Variants in NEBL observed in about 807,000 individuals in gnomAD.
NEBL encodes nebulette.
In NEBL, 122 loss-of-function variants were observed where a neutral mutation model predicts 140.2. The ratio of observed to expected loss-of-function variants is 0.87; its 90% CI spans 0.75 to 1.01. The LOEUF (loss-of-function observed/expected upper bound fraction) is 1.01, where lower values mean the gene tolerates loss of function less well. Ranked by LOEUF, NEBL falls within the 50% of genes least tolerant of loss-of-function variation. NEBL has a pLI of 0.00. For missense variants in NEBL, 1,365 were observed against 1,231.3 expected, an observed-to-expected ratio of 1.11 and a Z score of -1.62; for synonymous variants, 436 against 398.9, an observed-to-expected ratio of 1.09 and a Z score of -1.11.
In NEBL at chr10:20,868,754, C is replaced by T. The variant is rs1844594971; in HGVS notation, c.594G>A (p.Lys198=). 1 of 1,603,586 alleles carries T rather than the reference C, an allele frequency of 6.2e-7. No individual in the cohort carries two copies. Among genetic ancestry groups the T allele is most frequent in the Non-Finnish European group, 8.5e-7 (1 of 1,170,952 alleles). ...CTTTATTCATTATTCCTTGTCCTTT[C>T]TTGTATTCTGCCTAAAATGAATAAA... is the stretch of plus-strand genomic sequence containing the variant. ...ISKIISNAEY[K]KGQGIMNKEP... The change falls in exon 7 of 28, where the codon AAG becomes AAA. Residue 198 remains lysine (K), a synonymous_variant. Transcript: ENST00000377122.
At chr10:20,911,890 G>C (rs1349778169) in intron 4 of NEBL, among the ~76,000 whole-genome samples, 1 of 152,080 alleles carries the variant, frequency 6.6e-6, no homozygotes, top group African/African-American at 2.4e-5. Flanking sequence ...ACCGTCAAAG[G>C]CTCTAAAAAG....
chr10:20,882,024 G>A (rs770723779), intron 4 of NEBL, among the ~76,000 whole-genome samples: 17 of 152,088 alleles, frequency 1.1e-4, no homozygotes, highest in East Asian at 1.9e-4. Flanking sequence ...ACTAAATATC[G>A]AAAATTAACC....
At position 20,823,221 on chromosome 10, in the gene NEBL, T is replaced by C. The variant is rs1184026684; in HGVS notation, c.1949A>G (p.Lys650Arg). The C allele has an allele frequency of 4.4e-6, 7 of 1,605,166 alleles. No homozygotes were observed. The Admixed American group carries it at 1.0e-4, about 23-fold the overall frequency. The change falls in exon 19 of 28, where the codon AAG becomes AGG. Residue 650 changes from lysine (K) to arginine (R), a missense_variant. Transcript: ENST00000377122. ...PELKRVKENQ[K>R]NISNLQYKEQ... is the part of the protein sequence containing the mutation. ...AAATATGATCACATTGCTGATGTTC[T>C]TCTGGTTTTCTTTAACTCTCTTTAG...
chr10:21,076,286 T>C (rs765899678), intron 2 of NEBL, among the ~76,000 whole-genome samples: 2 of 150,788 alleles, frequency 1.3e-5, no homozygotes, highest in Admixed American at 6.6e-5. Flanking sequence ...CTACTAAAAA[T>C]ACAAAAAAAT....
intron 3 of NEBL, among the ~76,000 whole-genome samples, chr10:20,964,973 G>T (rs956648529): frequency 2.0e-5 from 3 of 152,176 alleles, no homozygotes; most frequent in African/African-American, 7.2e-5. Flanking sequence ...CGTATGACAA[G>T]GCTCCCAGTA....
At chr10:21,115,462 T>C (rs142996845) in intron 2 of NEBL, among the ~76,000 whole-genome samples, 184 of 152,200 alleles carry the variant, frequency 1.2e-3, no homozygotes, top group Non-Finnish European at 2.0e-3. Flanking sequence ...TTTCAGCTTT[T>C]GTGTGTCTGG....
chr10:20,828,709 GA>G, intron 16 of NEBL, 75 bp from the exon 17 acceptor site: 1 of 951,754 alleles, frequency 1.1e-6, no homozygotes, highest in Non-Finnish European at 1.7e-6. Flanking sequence ...AGGGAGGCAG[GA>G]AAGGAGGAAG....
chr10:21,029,537 A>G (rs1833689968), intron 2 of NEBL: 1 of 1,607,294 alleles, frequency 6.2e-7, no homozygotes, highest in Non-Finnish European at 8.5e-7. Flanking sequence ...ACAGACAGGG[A>G]CGATCGTTCT....
In NEBL at chr10:21,189,253, G is replaced by A. The variant is rs2132215002; in HGVS notation, n.349-16776C>T. Among the ~76,000 whole-genome samples, 2 of 152,244 alleles carry A rather than the reference G, an allele frequency of 1.3e-5. 1 individual carries two copies. Among genetic ancestry groups the A allele is most frequent in the South Asian group, 4.1e-4 (2 of 4,822 alleles). On this transcript the variant is annotated intron_variant and non_coding_transcript_variant, in intron 3 of 8. Transcript: ENST00000675702. ...GGCAAAAGGAGATTTAAGACAGGCA[G>A]AAGAGGAGGAGACACAGAGGAGGAG...
intron 2 of NEBL, among the ~76,000 whole-genome samples, chr10:21,141,060 C>A (rs199882043): frequency 1.1e-3 from 131 of 119,842 alleles, no homozygotes; most frequent in Middle Eastern, 4.5e-3. Context: ...AGGTATTCGA[C>A]AAAAAAAAAA....
chr10:21,062,349 C>A (rs1835341092), intron 2 of NEBL, among the ~76,000 whole-genome samples: 1 of 151,830 alleles, frequency 6.6e-6, no homozygotes, highest in Non-Finnish European at 1.5e-5. Context: ...GTTATGTATG[C>A]CTAGGGGTGC....
chr10:20,998,416 T>C (rs1837755188), intron 3 of NEBL, among the ~76,000 whole-genome samples: 1 of 152,146 alleles, frequency 6.6e-6, no homozygotes, highest in African/African-American at 2.4e-5. Flanking sequence ...CAGTAAATAA[T>C]GTCTGTTATT....
chr10:20,897,222 A>G lies in NEBL; in HGVS notation c.-17T>C. On this transcript the variant is annotated 5_prime_UTR_variant, in exon 1 of 28. Transcript: ENST00000377122. ...GACCCTCATTTTTACCCTTTAAAAT[A>G]TTTATATTTTTAAAATTTACTCATG... The G allele has an allele frequency of 6.5e-7, 1 of 1,544,882 alleles. No individual in the cohort carries two copies. The highest frequency in any genetic ancestry group is 8.7e-7 in the Non-Finnish European group (1 of 1,144,448).
Position 20,796,274 on chromosome 10 carries a change from G to A in NEBL, c.2762-8966C>T, listed in dbSNP as rs370810580. On this transcript the variant is annotated intron_variant, in intron 26 of 27. Transcript: ENST00000377122. Reference sequence around the variant, plus strand: ...GCTTCTCAGGAGGCTGAGGAGAATCGCTTGAACCCAGGAGGCAGAGGTTGC... The same window carrying A: ...GCTTCTCAGGAGGCTGAGGAGAATCACTTGAACCCAGGAGGCAGAGGTTGC... 5.0e-4 allele frequency among the ~76,000 whole-genome samples: 73 copies of A among 146,886 alleles called. 1 individual carries two copies. The highest frequency in any genetic ancestry group is 1.7e-3 in the African/African-American group (67 of 39,790).
At chr10:20,801,369 G>A (rs182468034) in intron 26 of NEBL, among the ~76,000 whole-genome samples, 1 of 151,834 alleles carries the variant, frequency 6.6e-6, no homozygotes, top group Admixed American at 6.6e-5. Flanking sequence ...GCTAATTTTT[G>A]TATTTTTAGT....
At chr10:20,888,263 CT>C (rs1278564793) in intron 3 of NEBL, 56 bp from the exon 4 acceptor site, 1 of 1,054,410 alleles carries the variant, frequency 9.5e-7, no homozygotes, top group Admixed American at 1.9e-5. Context: ...TTTTTTTAAA[CT>C]GTGATTATAA....
At chr10:21,112,572 C>G (rs1838071708) in intron 2 of NEBL, among the ~76,000 whole-genome samples, 1 of 140,588 alleles carries the variant, frequency 7.1e-6, no homozygotes, top group African/African-American at 2.7e-5. Context: ...GGGAACATCA[C>G]ACACTGGGGC....
intron 1 of NEBL, among the ~76,000 whole-genome samples, chr10:21,272,885 C>A (rs1588586891): frequency 6.6e-6 from 1 of 152,206 alleles, no homozygotes; most frequent in Non-Finnish European, 1.5e-5. Flanking sequence ...GGTCATTGTG[C>A]CATAAAATGG....
chr10:21,120,390 ATACATATATAT>A lies in NEBL; in HGVS notation c.164+51982_164+51992del, dbSNP rs1249499331. 5.3e-4 allele frequency among the ~76,000 whole-genome samples: 53 copies of A among 99,490 alleles called. 1 individual carries two copies. Among genetic ancestry groups the A allele is most frequent in the African/African-American group, 2.3e-3 (48 of 21,208 alleles). 65.3% of individuals were successfully genotyped at this position (99,490 alleles called of 152,430 possible). ...ACTGTGTCTCAAAAAAAAAAAAAAAATACATATATATATATATATATATATATATATATAAA... is the reference window on the plus strand; with the variant it reads ...ACTGTGTCTCAAAAAAAAAAAAAAAAATATATATATATATATATATATAAA... On this transcript the variant is annotated intron_variant, in intron 2 of 6. Coordinates refer to the NEBL transcript ENST00000417816.
Sources: gnomAD v4.1 joint callset for allele counts (sites outside exome capture counted in the v4.1 genomes callset) on GRCh38, gnomAD v4.1.1 for gene constraint, MANE v1.5 for transcripts, NCBI Gene and HGNC (gene_info 2026-07-23, HGNC 2026-07-21) for gene names.